Variants in PGC observed in about 807,000 individuals in gnomAD.
The protein encoded by PGC is progastricsin.
In PGC, 31 loss-of-function variants were observed where a neutral mutation model predicts 45.9. The ratio of observed to expected loss-of-function variants is 0.67; its 90% CI spans 0.51 to 0.91. The LOEUF (loss-of-function observed/expected upper bound fraction) is 0.91, where lower values mean the gene tolerates loss of function less well. Among genes scored for constraint, PGC ranks in the 40% least tolerant of loss-of-function variants. PGC has a pLI of 0.00. For synonymous variants in PGC, 192 were observed against 201.8 expected, an observed-to-expected ratio of 0.95 and a Z score of 0.41; for missense variants, 477 against 493.2, an observed-to-expected ratio of 0.97 and a Z score of 0.31.
chr6:41,744,320 T>C lies in PGC; in HGVS notation c.328+77A>G, dbSNP rs79388950. On this transcript the variant is annotated intron_variant, in intron 3 of 8. Transcript: ENST00000373025. The surrounding 1 kb of genome is among the most constrained non-coding windows in gnomAD (Gnocchi z 4.4). ...GCTCCCCTCAGTCCTGAGCTCCCTC[T>C]GGAAGTTTGGCCCTCCCCAGAGGGT... 2.3e-3 allele frequency: 2,257 copies of C among 991,986 alleles called. 46 individuals carry two copies. In the East Asian group the frequency reaches 0.047, roughly 21 times the overall value. The allele number at this position is 991,986 out of a possible 1,614,324, so 61.4% of individuals were successfully genotyped here. A position where few individuals can be genotyped will look rare whatever the true frequency, so the allele number is the denominator to read the frequency against.
At chr6:41,745,971 T>G (rs1771925386) in intron 1 of PGC, among the ~76,000 whole-genome samples, 1 of 151,722 alleles carries the variant, frequency 6.6e-6, no homozygotes, top group South Asian at 2.1e-4. Flanking sequence ...GAGACCAGAC[T>G]GGCCAAGATG....
rs1771884692 is a variant in PGC at position 41,744,252 on chromosome 6, G to T, written c.328+145C>A. 1 of 573,386 alleles carries T rather than the reference G, an allele frequency of 1.7e-6. No individual in the cohort carries two copies. 35.5% of individuals were successfully genotyped at this position (573,386 alleles called of 1,614,324 possible). ...AGCATCTTTCCTCTGGCTTGGGCAT[G>T]CTGTGTGGCCCTGCACATGTCCCTG... On this transcript the variant is annotated intron_variant, in intron 3 of 8. Transcript: ENST00000373025. The surrounding 1 kb of genome is among the most constrained non-coding windows in gnomAD (Gnocchi z 4.4).
chr6:41,739,095 C>T (rs1771774611), intron 7 of PGC, among the ~76,000 whole-genome samples: 1 of 152,188 alleles, frequency 6.6e-6, no homozygotes, highest in African/African-American at 2.4e-5. Flanking sequence ...GGACTCAAGA[C>T]AGACAAGCGC....
At chr6:41,739,318 T>A (rs902200879) in intron 7 of PGC, among the ~76,000 whole-genome samples, 1 of 152,188 alleles carries the variant, frequency 6.6e-6, no homozygotes, top group Non-Finnish European at 1.5e-5. Context: ...TGGCCCCGCC[T>A]GAACAAGCCT....
intron 7 of PGC, 147 bp downstream of exon 7, chr6:41,739,652 C>A (rs974902107): frequency 9.3e-6 from 7 of 755,100 alleles, no homozygotes; most frequent in African/African-American, 8.9e-5. Flanking sequence ...CTCCTGGGCT[C>A]AAAAGATCTG....
chr6:41,738,135 T>G (rs1481707945), intron 7 of PGC, among the ~76,000 whole-genome samples: 8 of 99,642 alleles, frequency 8.0e-5, no homozygotes, highest in African/African-American at 2.6e-4. Context: ...TATATATGCA[T>G]ATATATATGC....
At position 41,737,801 on chromosome 6, in the gene PGC, T is replaced by A; in HGVS notation, c.943A>T (p.Asn315Tyr). 1 of 1,612,212 alleles carries A rather than the reference T, an allele frequency of 6.2e-7. No homozygotes were observed. Among genetic ancestry groups the A allele is most frequent in the South Asian group, 1.1e-5 (1 of 91,046 alleles). Reference sequence around the variant, plus strand: ...ATGATGAAGGTCAAGCTGGGCAGATTCTGAATGCTGTTACAGTTCACGAGA... The same window carrying A: ...ATGATGAAGGTCAAGCTGGGCAGATACTGAATGCTGTTACAGTTCACGAGA... ...QFLVNCNSIQ[N>Y]LPSLTFIING... The change falls in exon 8 of 9, where the codon AAT becomes TAT. Residue 315 changes from asparagine to tyrosine, a missense_variant. By Grantham distance (143) the Asn-to-Tyr change is moderately radical. Coordinates refer to ENST00000373025, the MANE Select transcript of PGC (RefSeq NM_002630.4).
At chr6:41,740,000 G>A in intron 6 of PGC, 54 bp from the exon 7 acceptor site, 2 of 1,555,542 alleles carry the variant, frequency 1.3e-6, no homozygotes, top group Non-Finnish European at 8.8e-7. Context: ...AGGGCAGCTG[G>A]GGCGGGCTTT....
rs1330068248 is a variant in PGC at position 41,744,031 on chromosome 6, A to ACAGAATGGAG, written c.328+365_328+366insCTCCATTCTG. Among the ~76,000 whole-genome samples the ACAGAATGGAG allele has an allele frequency of 2.6e-5, 4 of 151,886 alleles. No individual in the cohort carries two copies. Among genetic ancestry groups the ACAGAATGGAG allele is most frequent in the African/African-American group, 9.7e-5 (4 of 41,168 alleles). ...TTAGTAAATACTGAGGTGGAGCAGA[A>ACAGAATGGAG]TAGAATGGAGTAGAATGGAGTGGGA... is the stretch of plus-strand genomic sequence containing the variant. On this transcript the variant is annotated intron_variant, in intron 3 of 8. Coordinates refer to ENST00000373025, the MANE Select transcript of PGC (RefSeq NM_002630.4). This position sits in a 1 kb window ranked among gnomAD's most constrained non-coding sequence, Gnocchi z 4.4.
chr6:41,741,288 A>G, intron 5 of PGC: 1 of 1,360,998 alleles, frequency 7.3e-7, no homozygotes, highest in Non-Finnish European at 9.7e-7. Flanking sequence ...CATTAGTAAC[A>G]GGGTGAGGTC....
chr6:41,743,963 C>T (rs1412566668), intron 3 of PGC, among the ~76,000 whole-genome samples: 4 of 152,310 alleles, frequency 2.6e-5, no homozygotes, highest in Admixed American at 1.3e-4. Flanking sequence ...AGCCCACATC[C>T]TATATTGTTC....
In PGC at chr6:41,742,314, G is replaced by C. The variant is rs772855246; in HGVS notation, c.623C>G (p.Pro208Arg). 2 of 1,614,048 alleles carry C rather than the reference G, an allele frequency of 1.2e-6. No homozygotes were observed. Among genetic ancestry groups the C allele is most frequent in the Non-Finnish European group, 8.5e-7 (1 of 1,180,008 alleles). The change falls in exon 5 of 9, where the codon CCC becomes CGC. Residue 208 changes from proline (P) to arginine (R), a missense_variant. By Grantham distance (103) the Pro-to-Arg change is moderately radical. Transcript: ENST00000373025. ...CTTGCTGAGGTAGACGCTGAAGACG[G>C]GGCTGGTGAGGGCGCCCTCCTGCAC... ...GMVQEGALTS[P>R]VFSVYLSNQQ...
chr6:41,744,724 A>G lies in PGC; in HGVS notation c.144T>C (p.Tyr48=), dbSNP rs1289165905. 1.2e-6 allele frequency: 2 copies of G among 1,614,112 alleles called. No individual in the cohort carries two copies. The highest frequency in any genetic ancestry group is 2.7e-5 in the African/African-American group (2 of 75,044). The part of the protein sequence containing the change: ...LLGEFLRTHK[Y]DPAWKYRFGD... ...CAAAGCGGTACTTCCAAGCAGGATC[A>G]TACTTGTGGGTCCTCAGGAACTCCC... Residue 48 remains tyrosine, a synonymous_variant, in exon 2 of 9, where the codon TAT becomes TAC. Transcript: ENST00000373025. This position sits in a 1 kb window ranked among gnomAD's most constrained non-coding sequence, Gnocchi z 4.4.
chr6:41,741,293 G>T, intron 5 of PGC: 1 of 1,345,092 alleles, frequency 7.4e-7, no homozygotes, highest in Non-Finnish European at 9.8e-7. Flanking sequence ...GTAACAGGGT[G>T]AGGTCCTTGA....
intron 5 of PGC, chr6:41,741,730 C>A: frequency 8.9e-7 from 1 of 1,123,774 alleles, no homozygotes; most frequent in South Asian, 1.3e-5. Flanking sequence ...AGGCCGCTCA[C>A]CCCCACCCAC....
At chr6:41,739,265 C>T (rs977062332) in intron 7 of PGC, among the ~76,000 whole-genome samples, 1 of 152,224 alleles carries the variant, frequency 6.6e-6, no homozygotes, top group East Asian at 1.9e-4. Context: ...AGAAGAAATT[C>T]CTGCCTAATA....
intron 6 of PGC, 77 bp downstream of exon 6, chr6:41,740,414 C>T: frequency 6.6e-7 from 1 of 1,505,092 alleles, no homozygotes. Flanking sequence ...CAGTGCCAGA[C>T]TGTGTGTGTG....
At chr6:41,745,860 C>T (rs1771922691) in intron 1 of PGC, among the ~76,000 whole-genome samples, 1 of 150,954 alleles carries the variant, frequency 6.6e-6, no homozygotes, top group South Asian at 2.1e-4. Flanking sequence ...AGGAAATGCA[C>T]ATTTTTAACA....
At position 41,744,732 on chromosome 6, in the gene PGC, G is replaced by A. The variant is rs1771896722; in HGVS notation, c.136C>T (p.His46Tyr). ...TACTTCCAAGCAGGATCATACTTGTGGGTCCTCAGGAACTCCCCCAGCAAG... is the reference window on the plus strand; with the variant it reads ...TACTTCCAAGCAGGATCATACTTGTAGGTCCTCAGGAACTCCCCCAGCAAG... ...KGLLGEFLRT[H>Y]KYDPAWKYRF... Residue 46 changes from histidine (H) to tyrosine (Y), a missense_variant, in exon 2 of 9, where the codon CAC becomes TAC. Physicochemically the swap from His to Tyr is moderately conservative, Grantham distance 83. Coordinates refer to ENST00000373025, the MANE Select transcript of PGC (RefSeq NM_002630.4). The surrounding 1 kb of genome is among the most constrained non-coding windows in gnomAD (Gnocchi z 4.4). The A allele has an allele frequency of 1.2e-6, 2 of 1,613,950 alleles. No individual in the cohort carries two copies. The highest frequency in any genetic ancestry group is 2.7e-5 in the African/African-American group (2 of 75,028).
Sources: gnomAD v4.1 joint callset for allele counts (sites outside exome capture counted in the v4.1 genomes callset) on GRCh38, gnomAD v4.1.1 for gene constraint, Gnocchi (gnomAD v3.1) non-coding constraint, MANE v1.5 for transcripts, NCBI Gene and HGNC (gene_info 2026-07-23, HGNC 2026-07-21) for gene names.